The following GOLM1 variants were observed in gnomAD, a reference collection of about 807,000 sequenced individuals.
GOLM1 encodes the protein golgi membrane protein 1.
GOLM1 carries 31 observed loss-of-function variants against 50.5 expected under a neutral mutation model. That is an observed-to-expected ratio of 0.61 (90% confidence interval 0.46 to 0.83). The LOEUF (loss-of-function observed/expected upper bound fraction) is 0.83. Ranked by LOEUF, GOLM1 falls within the 40% of genes least tolerant of loss-of-function variation. The probability of loss-of-function intolerance (pLI) is 0.00; values close to 1 mark genes in which losing one functional copy is unlikely to be tolerated. For missense variants in GOLM1, 491 were observed against 501.3 expected, an observed-to-expected ratio of 0.98 and a Z score of 0.20; for synonymous variants, 178 against 192.8, an observed-to-expected ratio of 0.92 and a Z score of 0.64.
At chr9:86,086,529 T>G (rs1039070902) in intron 1 of GOLM1, among the ~76,000 whole-genome samples, 4 of 152,200 alleles carry the variant, frequency 2.6e-5, no homozygotes, top group African/African-American at 7.2e-5. Flanking sequence ...AGTCATGAAG[T>G]CTTTGCCCAT....
At chr9:86,087,189 T>C (rs905994548) in intron 1 of GOLM1, among the ~76,000 whole-genome samples, 4 of 152,196 alleles carry the variant, frequency 2.6e-5, no homozygotes, top group African/African-American at 9.7e-5. Flanking sequence ...GTTGTACTCT[T>C]AGGTATTTTA....
chr9:86,059,381 G>A (rs1232128653), intron 3 of GOLM1, among the ~76,000 whole-genome samples: 2 of 152,180 alleles, frequency 1.3e-5, no homozygotes, highest in Non-Finnish European at 2.9e-5. Flanking sequence ...AAGTATTACC[G>A]ACACATGCTA....
At chr9:86,078,322 G>A (rs1295291349) in intron 2 of GOLM1, among the ~76,000 whole-genome samples, 1 of 152,204 alleles carries the variant, frequency 6.6e-6, no homozygotes, top group Non-Finnish European at 1.5e-5. Flanking sequence ...ATTGCAATAG[G>A]AGAGGGAAAT....
intron 6 of GOLM1, among the ~76,000 whole-genome samples, chr9:86,037,103 A>G (rs1183358102): frequency 6.6e-6 from 1 of 152,246 alleles, no homozygotes; most frequent in Non-Finnish European, 1.5e-5. Context: ...CCAACAATAA[A>G]CCACAACACA....
In GOLM1 at chr9:86,099,454, G is replaced by A. The variant is rs1452715008; in HGVS notation, c.-65C>T. 6.6e-6 allele frequency: 1 copy of A among 150,666 alleles called. No individual in the cohort carries two copies. Among genetic ancestry groups the A allele is most frequent in the Non-Finnish European group, 1.5e-5 (1 of 67,660 alleles). The allele number at this position is 150,666 out of a possible 1,614,324, so 9.3% of individuals were successfully genotyped here. On this transcript the variant is annotated 5_prime_UTR_variant, in exon 1 of 10. Coordinates refer to ENST00000388712, the MANE Select transcript of GOLM1 (RefSeq NM_016548.4). ...CCGCCACTCGGGGATCCGGGGCCCC[G>A]CTACGAGGCCGCCCGGGTCGCTCTC...
Position 86,026,947 on chromosome 9 carries a change from C to T in GOLM1, c.*870G>A. On this transcript the variant is annotated 3_prime_UTR_variant, in exon 10 of 10. Coordinates refer to ENST00000388712, the MANE Select transcript of GOLM1 (RefSeq NM_016548.4). ...TCTTTTACTCCAGTAATAAAGTAGG[C>T]ACAGATCTGTCCACAACAAACTTGC... 1.0e-6 allele frequency: 1 copy of T among 985,180 alleles called. No individual in the cohort carries two copies. The highest frequency in any genetic ancestry group is 1.2e-6 in the Non-Finnish European group (1 of 829,772). 61.0% of individuals were successfully genotyped at this position (985,180 alleles called of 1,614,324 possible). A position where few individuals can be genotyped will look rare whatever the true frequency, so the allele number is the denominator to read the frequency against.
intron 3 of GOLM1, among the ~76,000 whole-genome samples, chr9:86,058,695 C>CAAAAA (rs57227258): frequency 1.1e-4 from 11 of 100,988 alleles, no homozygotes; most frequent in East Asian, 3.1e-4. Context: ...GACTCTGTCT[C>CAAAAA]AAAAAAAAAA....
At chr9:86,059,815 A>G (rs10780744) in intron 3 of GOLM1, among the ~76,000 whole-genome samples, 55,882 of 149,816 alleles carry the variant, frequency 0.37, 13,746 homozygotes, top group African/African-American at 0.69. Context: ...CAGGAGAATC[A>G]CTTGAACCCA....
chr9:86,028,137 T>C (rs7873465), intron 9 of GOLM1, among the ~76,000 whole-genome samples: 47,370 of 151,892 alleles, frequency 0.31, 9,671 homozygotes, highest in African/African-American at 0.59. Context: ...ACCCTCAGGC[T>C]TGTGCCCATG....
intron 6 of GOLM1, among the ~76,000 whole-genome samples, chr9:86,040,274 A>T (rs1312196070): frequency 2.0e-5 from 3 of 152,152 alleles, no homozygotes; most frequent in Admixed American, 6.6e-5. Context: ...CTATATTTTT[A>T]AAAAACTACT....
At chr9:86,033,078 C>T (rs1216142108) in intron 9 of GOLM1, among the ~76,000 whole-genome samples, 2 of 152,140 alleles carry the variant, frequency 1.3e-5, no homozygotes, top group South Asian at 2.1e-4. Context: ...GCAGACTTTC[C>T]GAATGGTTTT....
chr9:86,044,656 A>G lies in GOLM1; in HGVS notation c.467+1814T>C, dbSNP rs530297734. Among the ~76,000 whole-genome samples, 613 of 152,350 alleles carry G rather than the reference A, an allele frequency of 4.0e-3. 5 individuals are homozygous for G. The highest frequency in any genetic ancestry group is 0.014 in the African/African-American group (579 of 41,584). ...TGTAATTTTTTAAATTTAAAAATTAAAAAATAAGAGGCTGGCCGGGCACAG... is the reference window on the plus strand; with the variant it reads ...TGTAATTTTTTAAATTTAAAAATTAGAAAATAAGAGGCTGGCCGGGCACAG... On this transcript the variant is annotated intron_variant, in intron 5 of 9. Coordinates refer to ENST00000388712, the MANE Select transcript of GOLM1 (RefSeq NM_016548.4).
intron 3 of GOLM1, among the ~76,000 whole-genome samples, chr9:86,076,509 G>A (rs1024871935): frequency 6.7e-6 from 1 of 148,202 alleles, no homozygotes; most frequent in East Asian, 2.0e-4. Context: ...TCTGGGACAG[G>A]AGATATTAGT....
intron 3 of GOLM1, among the ~76,000 whole-genome samples, chr9:86,061,183 C>T (rs567116656): frequency 6.6e-6 from 1 of 152,286 alleles, no homozygotes; most frequent in South Asian, 2.1e-4. Flanking sequence ...AGCCAACACA[C>T]ACAGGCACAC....
At chr9:86,041,133 G>C (rs1270250681) in intron 5 of GOLM1, among the ~76,000 whole-genome samples, 1 of 151,932 alleles carries the variant, frequency 6.6e-6, no homozygotes, top group Non-Finnish European at 1.5e-5. Flanking sequence ...ACAATCTGTA[G>C]AATAATAAAA....
intron 2 of GOLM1, chr9:86,078,127 T>C (rs545518888): frequency 1.3e-5 from 2 of 152,734 alleles, no homozygotes. Context: ...GCTAAGCCCA[T>C]GCAGGTTGGA....
chr9:86,043,125 A>G (rs1833413067), intron 5 of GOLM1, among the ~76,000 whole-genome samples: 1 of 152,182 alleles, frequency 6.6e-6, no homozygotes, highest in East Asian at 1.9e-4. Flanking sequence ...GTATTACTTT[A>G]TATGCCAGTG....
chr9:86,091,874 C>T (rs1233669779), intron 1 of GOLM1, among the ~76,000 whole-genome samples: 1 of 152,226 alleles, frequency 6.6e-6, no homozygotes, highest in African/African-American at 2.4e-5. Flanking sequence ...TTTCTTTAAA[C>T]AGCCAATAAA....
chr9:86,038,945 A>G (rs1564342078), intron 6 of GOLM1, among the ~76,000 whole-genome samples: 1 of 152,172 alleles, frequency 6.6e-6, no homozygotes, highest in Non-Finnish European at 1.5e-5. Flanking sequence ...AATAAATAAA[A>G]TGGGGATTTT....
Sources: allele counts gnomAD v4.1 joint callset (sites outside exome capture counted in the v4.1 genomes callset), GRCh38; gene constraint gnomAD v4.1.1; transcripts MANE v1.5; gene names NCBI Gene and HGNC (gene_info 2026-07-23, HGNC 2026-07-21).